PSTPIP1: variants seen among roughly 807,000 people sequenced by gnomAD.
PSTPIP1 encodes the protein proline-serine-threonine phosphatase-interacting protein 1.
Under a neutral mutation model 69.6 loss-of-function variants are expected in PSTPIP1, and 66 were observed. The ratio of observed to expected loss-of-function variants is 0.95; its 90% CI spans 0.78 to 1.16. The LOEUF is 1.16. Among genes scored for constraint, PSTPIP1 ranks in the 50% most tolerant of loss-of-function variants. The pLI is 0.00. For missense variants in PSTPIP1, 603 were observed against 557.4 expected, an observed-to-expected ratio of 1.08 and a Z score of -0.82; for synonymous variants, 266 against 222.7, an observed-to-expected ratio of 1.19 and a Z score of -1.73.
At chr15:77,000,312 G>A (rs920505393) in intron 1 of PSTPIP1, among the ~76,000 whole-genome samples, 1 of 152,064 alleles carries the variant, frequency 6.6e-6, no homozygotes, top group Admixed American at 6.5e-5. Context: ...CCATTTATGA[G>A]GCTACAGAGA....
intron 3 of PSTPIP1, among the ~76,000 whole-genome samples, chr15:77,021,205 G>A (rs1442043882): frequency 6.6e-6 from 1 of 152,212 alleles, no homozygotes. Context: ...AACCAGCCGG[G>A]AGCCACCCTC....
intron 1 of PSTPIP1, among the ~76,000 whole-genome samples, chr15:77,002,317 T>C (rs2152665582): frequency 6.6e-6 from 1 of 152,352 alleles, no homozygotes; most frequent in South Asian, 2.1e-4. Context: ...CTACTTTAAT[T>C]TGTGTAGGAT....
chr15:77,036,263 CCA>C (rs2076570735), intron 14 of PSTPIP1, among the ~76,000 whole-genome samples: 3 of 152,170 alleles, frequency 2.0e-5, no homozygotes, highest in Admixed American at 1.3e-4. Context: ...CCTATGCCGT[CCA>C]CACAGGCTGG....
chr15:76,996,280 G>A (rs1011377170), intron 1 of PSTPIP1, among the ~76,000 whole-genome samples: 1 of 152,216 alleles, frequency 6.6e-6, no homozygotes, highest in Non-Finnish European at 1.5e-5. Flanking sequence ...TGAAATAAGG[G>A]CGCCCAGCCA....
rs1158206044 is a variant in PSTPIP1 at position 77,037,167 on chromosome 15, G to C, written c.1242G>C (p.Glu414Asp). ...GCTTCGTCCCTGGTTCCTACCTGGA[G>C]AAGCTTTGAGGAAGGGCCAGGAGCC... ...QRGFVPGSYL[E>D]KL Residue 414 changes from glutamate (E) to aspartate (D), a missense_variant, in exon 15 of 15, where the codon GAG becomes GAC. Glu to Asp is a conservative substitution (Grantham distance 45). Transcript: ENST00000558012. 1 of 1,606,968 alleles carries C rather than the reference G, an allele frequency of 6.2e-7. No homozygotes were observed. The highest frequency in any genetic ancestry group is 8.5e-7 in the Non-Finnish European group (1 of 1,177,650).
chr15:77,008,170 C>T, intron 1 of PSTPIP1: 1 of 427,274 alleles, frequency 2.3e-6, no homozygotes. Context: ...GAGGTCTGCA[C>T]AGCACAGGGA....
At chr15:77,022,042 A>C (rs1398074622) in intron 3 of PSTPIP1, among the ~76,000 whole-genome samples, 2 of 152,252 alleles carry the variant, frequency 1.3e-5, no homozygotes, top group Non-Finnish European at 1.5e-5. Flanking sequence ...ACAGCCCCCA[A>C]GGGGTGCAAG....
intron 1 of PSTPIP1, among the ~76,000 whole-genome samples, chr15:77,001,663 C>T (rs1461475171): frequency 1.3e-5 from 2 of 152,210 alleles, no homozygotes; most frequent in Non-Finnish European, 2.9e-5. Flanking sequence ...GGAGGCTCTC[C>T]CTTTCCTGAT....
chr15:77,032,429 G>A, intron 11 of PSTPIP1, 35 bp downstream of exon 11: 1 of 1,605,120 alleles, frequency 6.2e-7, no homozygotes, highest in South Asian at 1.1e-5. Context: ...CAGCCTCTAG[G>A]TGCATTGAGC....
intron 5 of PSTPIP1, among the ~76,000 whole-genome samples, chr15:77,026,591 C>A (rs533507893): frequency 6.6e-6 from 1 of 152,242 alleles, no homozygotes; most frequent in Non-Finnish European, 1.5e-5. Flanking sequence ...TCAGCCCAAG[C>A]CATGCGCCCC....
At chr15:76,997,130 C>T (rs111963880) in intron 1 of PSTPIP1, among the ~76,000 whole-genome samples, 3 of 152,186 alleles carry the variant, frequency 2.0e-5, no homozygotes, top group South Asian at 2.1e-4. Flanking sequence ...GTATGGCAGC[C>T]GCAGCAGAAG....
chr15:77,010,708 C>G (rs886701474), intron 1 of PSTPIP1, among the ~76,000 whole-genome samples: 1 of 152,142 alleles, frequency 6.6e-6, no homozygotes, highest in East Asian at 1.9e-4. Flanking sequence ...AGTGCAATGG[C>G]TCAATCTCGG....
At chr15:77,033,439 T>A (rs1299191124) in intron 12 of PSTPIP1, among the ~76,000 whole-genome samples, 2 of 152,166 alleles carry the variant, frequency 1.3e-5, no homozygotes, top group Non-Finnish European at 2.9e-5. Flanking sequence ...GCCAGGGCCC[T>A]GAGTGTTGGG....
rs2076601204 is a variant in PSTPIP1 at position 77,037,162 on chromosome 15, C to CTGGA, written c.1238_1241dup (p.Glu414AspfsTer51). 6.2e-7 allele frequency: 1 copy of CTGGA among 1,608,530 alleles called. No individual in the cohort carries two copies. On this transcript the variant is annotated frameshift_variant, in exon 15 of 15. Coordinates refer to ENST00000558012, the MANE Select transcript of PSTPIP1 (RefSeq NM_003978.5). LOFTEE classifies it high-confidence loss of function. ...GCGTGGCTTCGTCCCTGGTTCCTAC[C>CTGGA]TGGAGAAGCTTTGAGGAAGGGCCAG...
intron 11 of PSTPIP1, 30 bp from the exon 12 acceptor site, chr15:77,032,832 G>A (rs779290323): frequency 3.0e-5 from 46 of 1,540,882 alleles, no homozygotes; most frequent in African/African-American, 1.9e-4. Context: ...GTTGGGGGCC[G>A]CCCTGGGGCT....
At chr15:77,016,236 C>T (rs1363294273) in intron 1 of PSTPIP1, among the ~76,000 whole-genome samples, 1 of 152,202 alleles carries the variant, frequency 6.6e-6, no homozygotes, top group Non-Finnish European at 1.5e-5. Context: ...CAAGGTGGTT[C>T]CCAGTTCTCA....
rs1205963841 is a variant in PSTPIP1 at position 77,037,277 on chromosome 15, A to G, written c.*101A>G. ...TAGGGCCCAGAACCAAGCGTCCCCC[A>G]GCCCCGAGAGGGAGCCTGTCGTCTC... On this transcript the variant is annotated 3_prime_UTR_variant, in exon 15 of 15. Transcript: ENST00000558012. 6.9e-7 allele frequency: 1 copy of G among 1,438,984 alleles called. No individual in the cohort carries two copies. Among genetic ancestry groups the G allele is most frequent in the Non-Finnish European group, 9.3e-7 (1 of 1,073,146 alleles). The allele number at this position is 1,438,984 out of a possible 1,614,324, so 89.1% of individuals were successfully genotyped here. A position where few individuals can be genotyped will look rare whatever the true frequency, so the allele number is the denominator to read the frequency against.
At chr15:77,029,420 T>A in intron 7 of PSTPIP1, 109 bp from the exon 8 acceptor site, 4 of 1,316,030 alleles carry the variant, frequency 3.0e-6, no homozygotes, top group Non-Finnish European at 4.2e-6. Flanking sequence ...GGCTCCTGAA[T>A]GTTCCCCCCA....
At chr15:77,010,648 T>C (rs1455965756) in intron 1 of PSTPIP1, among the ~76,000 whole-genome samples, 2 of 152,130 alleles carry the variant, frequency 1.3e-5, no homozygotes, top group African/African-American at 4.8e-5. Context: ...TCTTCTCTTT[T>C]CTATTTCTTT....
Sources: allele counts gnomAD v4.1 joint callset (sites outside exome capture counted in the v4.1 genomes callset), GRCh38; gene constraint gnomAD v4.1.1; transcripts MANE v1.5; gene names NCBI Gene and HGNC (gene_info 2026-07-23, HGNC 2026-07-21).